The following DPYD variants were observed in gnomAD, a reference collection of about 807,000 sequenced individuals.
DPYD encodes dihydropyrimidine dehydrogenase.
Under a neutral mutation model 116.2 loss-of-function variants are expected in DPYD, and 109 were observed. That is an observed-to-expected ratio of 0.94 (90% confidence interval 0.80 to 1.10). The LOEUF (loss-of-function observed/expected upper bound fraction) is 1.10, where lower values mean the gene tolerates loss of function less well. Ranked by LOEUF, DPYD falls within the 50% of genes least tolerant of loss-of-function variation. The probability of loss-of-function intolerance (pLI) is 0.00; values close to 1 mark genes in which losing one functional copy is unlikely to be tolerated. For synonymous variants in DPYD, 440 were observed against 432.0 expected, an observed-to-expected ratio of 1.02 and a Z score of -0.23; for missense variants, 1,302 against 1,254.5, an observed-to-expected ratio of 1.04 and a Z score of -0.57.
intron 13 of DPYD, among the ~76,000 whole-genome samples, chr1:97,475,177 C>T (rs1677884245): frequency 6.6e-6 from 1 of 151,830 alleles, no homozygotes; most frequent in Admixed American, 6.6e-5. Flanking sequence ...TATAGTTAGG[C>T]TATAATATTA....
At chr1:97,439,538 A>T (rs1675639516) in intron 14 of DPYD, among the ~76,000 whole-genome samples, 1 of 152,122 alleles carries the variant, frequency 6.6e-6, no homozygotes, top group Admixed American at 6.5e-5. Context: ...TCCTTTTAAT[A>T]TCTGTAGAAT....
intron 20 of DPYD, 29 bp from the exon 21 acceptor site, chr1:97,098,661 C>G: frequency 1.2e-6 from 2 of 1,611,512 alleles, no homozygotes; most frequent in Non-Finnish European, 1.7e-6. Flanking sequence ...AATAAGGAAG[C>G]ATGTTAGCTC....
chr1:97,265,684 A>G (rs1032738998), intron 18 of DPYD, among the ~76,000 whole-genome samples: 4 of 152,226 alleles, frequency 2.6e-5, no homozygotes, highest in African/African-American at 9.6e-5. Context: ...TGTAGTGTAT[A>G]GTTTTTATAT....
chr1:97,717,495 G>T (rs1662679035), intron 5 of DPYD, among the ~76,000 whole-genome samples: 1 of 151,974 alleles, frequency 6.6e-6, no homozygotes, highest in Middle Eastern at 3.4e-3. Flanking sequence ...TTGTTACACT[G>T]GTAAGTTCTT....
intron 18 of DPYD, among the ~76,000 whole-genome samples, chr1:97,290,630 C>T (rs1666077660): frequency 6.6e-6 from 1 of 152,088 alleles, no homozygotes; most frequent in East Asian, 1.9e-4. Flanking sequence ...ACTGGCTAGC[C>T]ATATGTAGAA....
At chr1:97,680,694 T>C (rs1219823195) in intron 7 of DPYD, among the ~76,000 whole-genome samples, 2 of 152,130 alleles carry the variant, frequency 1.3e-5, no homozygotes, top group East Asian at 3.9e-4. Flanking sequence ...CAGTGATTCA[T>C]TACCTTGACG....
chr1:97,295,842 G>T (rs887589108), intron 18 of DPYD: 31 of 762,758 alleles, frequency 4.1e-5, no homozygotes, highest in Admixed American at 1.9e-4. Flanking sequence ...AAGATTAAGT[G>T]AAATATGTTA....
intron 4 of DPYD, among the ~76,000 whole-genome samples, chr1:97,728,969 A>T (rs1320841666): frequency 1.3e-5 from 2 of 152,152 alleles, no homozygotes. Context: ...AAATGGAGAT[A>T]GAAGAATAGG....
At chr1:97,410,568 G>A (rs1009162426) in intron 14 of DPYD, among the ~76,000 whole-genome samples, 11 of 151,996 alleles carry the variant, frequency 7.2e-5, no homozygotes, top group Non-Finnish European at 1.3e-4. Flanking sequence ...TTAAACATCC[G>A]GAGATAAGAC....
chr1:97,463,763 T>C (rs747641610), intron 13 of DPYD, among the ~76,000 whole-genome samples: 1 of 152,168 alleles, frequency 6.6e-6, no homozygotes, highest in African/African-American at 2.4e-5. Flanking sequence ...TTTGTTGTTT[T>C]AGCAAAGAGA....
intron 20 of DPYD, among the ~76,000 whole-genome samples, chr1:97,157,867 G>C (rs534503954): frequency 4.6e-5 from 7 of 152,132 alleles, no homozygotes; most frequent in South Asian, 4.2e-4. Flanking sequence ...ATATTTTCCA[G>C]ATGTGGCTTG....
chr1:97,760,343 A>T (rs1665504491), intron 3 of DPYD, among the ~76,000 whole-genome samples: 2 of 152,116 alleles, frequency 1.3e-5, no homozygotes, highest in Non-Finnish European at 2.9e-5. Context: ...TATACAGTTG[A>T]TCCTCCCGTA....
At chr1:97,541,201 G>C (rs1156937270) in intron 12 of DPYD, among the ~76,000 whole-genome samples, 2 of 152,190 alleles carry the variant, frequency 1.3e-5, no homozygotes, top group Admixed American at 1.3e-4. Flanking sequence ...TACTTATCAA[G>C]AGTCAGCTGT....
chr1:97,326,969 A>G (rs1203186341), intron 16 of DPYD, among the ~76,000 whole-genome samples: 1 of 152,074 alleles, frequency 6.6e-6, no homozygotes, highest in Non-Finnish European at 1.5e-5. Context: ...ATGTAAAGAT[A>G]AAGAGATTAT....
At chr1:97,269,422 G>A (rs775423203) in intron 18 of DPYD, among the ~76,000 whole-genome samples, 7 of 151,850 alleles carry the variant, frequency 4.6e-5, no homozygotes, top group South Asian at 2.1e-4. Flanking sequence ...GCCTCTACCC[G>A]TTACCCAGTT....
chr1:97,177,825 A>G (rs1425529091), intron 20 of DPYD, among the ~76,000 whole-genome samples: 1 of 152,132 alleles, frequency 6.6e-6, no homozygotes, highest in Non-Finnish European at 1.5e-5. Flanking sequence ...GGTGGCTTAT[A>G]AACAACATAC....
rs76806828 is a variant in DPYD at position 97,766,370 on chromosome 1, A to T, written c.234-25891T>A. ...TCAGAATGTCAGTTGGTTTTATTGC[A>T]TGTGATAAGGTATATTGATAAGGAG... On this transcript the variant is annotated intron_variant, in intron 3 of 22. Transcript: ENST00000370192. Among the ~76,000 whole-genome samples, 92 of 152,302 alleles carry T rather than the reference A, an allele frequency of 6.0e-4. 1 individual carries two copies. In the East Asian group the frequency reaches 0.017, roughly 28 times the overall value.
chr1:97,465,227 C>CTAGG (rs1379000120), intron 13 of DPYD, among the ~76,000 whole-genome samples: 2 of 152,160 alleles, frequency 1.3e-5, no homozygotes, highest in African/African-American at 2.4e-5. Flanking sequence ...CTCATTTTAT[C>CTAGG]TAGGAAGTAA....
Position 97,492,190 on chromosome 1 carries a change from CA to C in DPYD, c.1740+23535del, listed in dbSNP as rs1305442260. On this transcript the variant is annotated intron_variant, in intron 13 of 22. Transcript: ENST00000370192. ...TTGTACTCCAAGCCCTCATTGACTTCAATAGGGCTTGGACTTGTGGAATGAT... is the reference window on the plus strand; with the variant it reads ...TTGTACTCCAAGCCCTCATTGACTTCATAGGGCTTGGACTTGTGGAATGAT... Among the ~76,000 whole-genome samples, 8 of 152,216 alleles carry C rather than the reference CA, an allele frequency of 5.3e-5. No individual in the cohort carries two copies. The South Asian group carries it at 1.0e-3, about 20-fold the overall frequency.
Sources: gnomAD v4.1 joint callset for allele counts (sites outside exome capture counted in the v4.1 genomes callset) on GRCh38, gnomAD v4.1.1 for gene constraint, MANE v1.5 for transcripts, NCBI Gene and HGNC (gene_info 2026-07-23, HGNC 2026-07-21) for gene names.